The following SENP3 variants were observed in gnomAD, a reference collection of about 807,000 sequenced individuals.
The protein encoded by SENP3 is sentrin-specific protease 3.
In SENP3, 11 loss-of-function variants were observed where a neutral mutation model predicts 66.2. The ratio of observed to expected loss-of-function variants is 0.17; its 90% CI spans 0.10 to 0.28. The LOEUF is 0.28. SENP3 is among the 10% of genes least tolerant of loss of function. The probability of loss-of-function intolerance (pLI) is 1.00; values close to 1 mark genes in which losing one functional copy is unlikely to be tolerated. For synonymous variants in SENP3, 292 were observed against 277.6 expected (o/e 1.05, Z -0.52); for missense variants, 548 against 743.7 (o/e 0.74, Z 3.06).
rs1214431655 is a variant in SENP3, at chr17:7,565,496, T to C, written c.1124T>C (p.Met375Thr). 2.5e-6 allele frequency: 4 copies of C among 1,613,858 alleles called. No homozygotes were observed. The highest frequency in any genetic ancestry group is 1.7e-5 in the Admixed American group (1 of 60,000). ...TACCAGCGGATGCCAGGCAATGCCA[T>C]GGTGAGGGGCTTCCGAGTGGCTTAT... is the stretch of plus-strand genomic sequence containing the variant. ...QSYQRMPGNA[M>T]VRGFRVAYKR... is the part of the protein sequence containing the mutation. Residue 375 changes from methionine (M) to threonine (T), a missense_variant, in exon 5 of 11, where the codon ATG (methionine) becomes ACG (threonine). Met to Thr is a moderately conservative substitution (Grantham distance 81). Transcript: ENST00000321337.
At position 7,568,492 on chromosome 17, in the gene SENP3, G is replaced by A. The variant is rs1014708456; in HGVS notation, c.1341+1488G>A. 2.6e-5 allele frequency among the ~76,000 whole-genome samples: 4 copies of A among 152,184 alleles called. No individual in the cohort carries two copies. The South Asian group carries it at 8.3e-4, about 32-fold the overall frequency. ...GCGCCTGTAGTCCCCGGGAGGCTGA[G>A]GCAGGAGAATCGCTTGAACCCGGGA... On this transcript the variant is annotated intron_variant, in intron 7 of 10. Coordinates refer to ENST00000321337, the MANE Select transcript of SENP3 (RefSeq NM_015670.6).
At position 7,565,773 on chromosome 17, in the gene SENP3, A is replaced by T; in HGVS notation, c.1263+9A>T. The T allele has an allele frequency of 6.2e-7, 1 of 1,613,804 alleles. No homozygotes were observed. The highest frequency in any genetic ancestry group is 1.1e-5 in the South Asian group (1 of 91,080). Reference sequence around the variant, plus strand: ...ACACAGTCCCTGAAAAGGTAGGCCCAACCAGATAGGTCAGTACCCAGAGGA... The same window carrying T: ...ACACAGTCCCTGAAAAGGTAGGCCCTACCAGATAGGTCAGTACCCAGAGGA... On this transcript the variant is annotated intron_variant, in intron 6 of 10. Transcript: ENST00000321337.
At chr17:7,565,987 C>T (rs1315854392) in intron 6 of SENP3, 3 of 498,464 alleles carry the variant, frequency 6.0e-6, no homozygotes, top group Non-Finnish European at 1.1e-5. Context: ...TGGCCAGCCC[C>T]AAGGATTGGG....
At chr17:7,565,391 T>G (rs1468182348) in intron 4 of SENP3, 49 bp from the exon 5 acceptor site, 7 of 1,602,916 alleles carry the variant, frequency 4.4e-6, no homozygotes, top group Non-Finnish European at 6.0e-6. Context: ...TATTTCTGTG[T>G]GCCCCAGCTG....
rs1480055994 is a variant in SENP3 at position 7,565,502 on chromosome 17, G to A, written c.1130G>A (p.Arg377Lys). 4.3e-6 allele frequency: 7 copies of A among 1,613,774 alleles called. No homozygotes were observed. Among genetic ancestry groups the A allele is most frequent in the Non-Finnish European group, 5.9e-6 (7 of 1,179,854 alleles). Reference sequence around the variant, plus strand: ...CGGATGCCAGGCAATGCCATGGTGAGGGGCTTCCGAGTGGCTTATAAGCGG... The same window carrying A: ...CGGATGCCAGGCAATGCCATGGTGAAGGGCTTCCGAGTGGCTTATAAGCGG... ...YQRMPGNAMV[R>K]GFRVAYKRHV... Residue 377 changes from arginine to lysine, a missense_variant, in exon 5 of 11, where the codon AGG (arginine) becomes AAG (lysine). Arg to Lys is a conservative substitution (Grantham distance 26, BLOSUM62 2). Around this residue, in one of 6 missense-constraint regions of SENP3, gnomAD observed 72 missense variants for 137.9 expected, o/e 0.52. Coordinates refer to ENST00000321337, the MANE Select transcript of SENP3 (RefSeq NM_015670.6).
rs769492800 is a variant in SENP3, at chr17:7,564,629, C to T, written c.720C>T (p.Leu240=). ...PKSPLDPDSG[L]LSCTLPNGFG... ...TCCATTTCCCCTGCCCTATAGGCCT[C>T]CTTTCATGTACTCTGCCCAACGGTT... Residue 240 remains leucine, a synonymous_variant, in exon 3 of 11, where the codon CTC becomes CTT. Coordinates refer to ENST00000321337, the MANE Select transcript of SENP3 (RefSeq NM_015670.6). The T allele has an allele frequency of 6.2e-7, 1 of 1,614,006 alleles. No individual in the cohort carries two copies. The highest frequency in any genetic ancestry group is 8.5e-7 in the Non-Finnish European group (1 of 1,179,884).
At position 7,561,947 on chromosome 17, in the gene SENP3, C is replaced by G; in HGVS notation, c.-328C>G. On this transcript the variant is annotated 5_prime_UTR_variant, in exon 1 of 11. Transcript: ENST00000321337. The surrounding 1 kb of genome is among the most constrained non-coding windows in gnomAD (Gnocchi z 4.4). ...ACGTACTAATCGTGCGCCACCGCTG[C>G]CGGTGGGCCCGGGGCTCGCGGGAGG... 2.6e-6 allele frequency: 1 copy of G among 391,500 alleles called. No homozygotes were observed. The highest frequency in any genetic ancestry group is 4.5e-6 in the Non-Finnish European group (1 of 221,080). The allele number at this position is 391,500 out of a possible 1,614,324, so 24.3% of individuals were successfully genotyped here. A position where few individuals can be genotyped will look rare whatever the true frequency, so the allele number is the denominator to read the frequency against.
At position 7,570,961 on chromosome 17, in the gene SENP3, T is replaced by C; in HGVS notation, c.1614+28T>C. ...AAGCAGATGATGGGGCCACCTCCCC[T>C]AGCTCTGAAGTCAGTTGGGTTAAAG... On this transcript the variant is annotated intron_variant, in intron 10 of 10. Transcript: ENST00000321337. The surrounding 1 kb of genome is among the most constrained non-coding windows in gnomAD (Gnocchi z 5.4). 1.2e-6 allele frequency: 2 copies of C among 1,602,958 alleles called. No individual in the cohort carries two copies. The highest frequency in any genetic ancestry group is 8.5e-7 in the Non-Finnish European group (1 of 1,172,386).
chr17:7,566,295 C>G (rs2071267367), intron 6 of SENP3, among the ~76,000 whole-genome samples: 1 of 150,294 alleles, frequency 6.7e-6, no homozygotes, highest in African/African-American at 2.4e-5. Context: ...GAGTCGAGAT[C>G]CACGCCATTG....
In SENP3 at chr17:7,562,901, C is replaced by T. The variant is rs541148612; in HGVS notation, c.-11-165C>T. ...ATGATGGCACAGACCCTGAAGGGCC[C>T]CTTGTGGACCGCGTTAACCGGGAAG... is the stretch of plus-strand genomic sequence containing the variant. On this transcript the variant is annotated intron_variant, in intron 1 of 10. Coordinates refer to ENST00000321337, the MANE Select transcript of SENP3 (RefSeq NM_015670.6). This position sits in a 1 kb window ranked among gnomAD's most constrained non-coding sequence, Gnocchi z 5.0. Among the ~76,000 whole-genome samples the T allele has an allele frequency of 2.0e-5, 3 of 152,276 alleles. No homozygotes were observed. The East Asian group carries it at 5.8e-4, about 29-fold the overall frequency.
Position 7,563,482 on chromosome 17 carries a change from C to T in SENP3, c.406C>T (p.Leu136=). The T allele has an allele frequency of 3.3e-6, 5 of 1,505,692 alleles. No homozygotes were observed. The highest frequency in any genetic ancestry group is 4.5e-6 in the Non-Finnish European group (5 of 1,119,410). The allele number at this position is 1,505,692 out of a possible 1,614,324, so 93.3% of individuals were successfully genotyped here. The change falls in exon 2 of 11, where the codon CTG becomes TTG. Residue 136 remains leucine (L), a synonymous_variant. Transcript: ENST00000321337. ...RRRAMRAFRM[L]LYSKSTSLTF... is the part of the protein sequence containing the mutation. ...CCGAGCCATGAGAGCCTTCCGGATG[C>T]TGCTCTACTCAAAAAGCACCTCGCT...
chr17:7,571,307 A>T, intron 10 of SENP3, 66 bp from the exon 11 acceptor site: 1 of 1,195,512 alleles, frequency 8.4e-7, no homozygotes, highest in Non-Finnish European at 1.2e-6. Context: ...GACACATCTC[A>T]TATGAAATGT....
chr17:7,563,229 T>C lies in SENP3; in HGVS notation c.153T>C (p.Asp51=), dbSNP rs1228580488. 1 of 1,569,250 alleles carries C rather than the reference T, an allele frequency of 6.4e-7. No individual in the cohort carries two copies. Among genetic ancestry groups the C allele is most frequent in the Non-Finnish European group, 8.6e-7 (1 of 1,157,036 alleles). The change falls in exon 2 of 11, where the codon GAT becomes GAC. Residue 51 remains aspartate (D), a synonymous_variant. Transcript: ENST00000321337. ...RLKSGGGFGP[D]PGSGTTVPAR... ...AGTCAGGTGGAGGGTTTGGGCCAGA[T>C]CCTGGGTCAGGGACCACAGTGCCAG...
rs554062105 is a variant in SENP3 at position 7,568,513 on chromosome 17, C to T, written c.1341+1509C>T. ...CTGAGGCAGGAGAATCGCTTGAACCCGGGAGGCAGAGGTTGCAGTGAGCCG... is the reference window on the plus strand; with the variant it reads ...CTGAGGCAGGAGAATCGCTTGAACCTGGGAGGCAGAGGTTGCAGTGAGCCG... On this transcript the variant is annotated intron_variant, in intron 7 of 10. Coordinates refer to ENST00000321337, the MANE Select transcript of SENP3 (RefSeq NM_015670.6). 1.2e-4 allele frequency among the ~76,000 whole-genome samples: 18 copies of T among 152,174 alleles called. No homozygotes were observed. In the East Asian group the frequency reaches 2.3e-3, roughly 20 times the overall value.
At chr17:7,566,790 T>C (rs1266845655) in intron 6 of SENP3, 137 bp from the exon 7 acceptor site, 3 of 674,702 alleles carry the variant, frequency 4.4e-6, no homozygotes, top group Middle Eastern at 3.5e-4. Flanking sequence ...GGCAACATAG[T>C]GAGACCCTGT....
chr17:7,565,393 C>T, intron 4 of SENP3, 47 bp from the exon 5 acceptor site: 2 of 1,603,446 alleles, frequency 1.2e-6, no homozygotes, highest in Non-Finnish European at 8.5e-7. Context: ...TTTCTGTGTG[C>T]CCCAGCTGCA....
intron 2 of SENP3, chr17:7,564,307 ATATGCTGGGTAC>A (rs1484347219): frequency 1.1e-5 from 5 of 466,412 alleles, no homozygotes; most frequent in Non-Finnish European, 1.6e-5. Flanking sequence ...AGCCTTTACA[ATATGCTGGGTAC>A]TATGCTGGGT....
chr17:7,570,783 G>A lies in SENP3; in HGVS notation c.1563+19G>A. 6.2e-7 allele frequency: 1 copy of A among 1,607,472 alleles called. No homozygotes were observed. Among genetic ancestry groups the A allele is most frequent in the Non-Finnish European group, 8.5e-7 (1 of 1,176,398 alleles). On this transcript the variant is annotated intron_variant, in intron 9 of 10. Transcript: ENST00000321337. The surrounding 1 kb of genome is among the most constrained non-coding windows in gnomAD (Gnocchi z 5.4). ...CAAAATGGTGAGTTTCCTGAGGGAG[G>A]GGTATAGGGTGTTGGTGGGGACAGT...
Position 7,563,683 on chromosome 17 carries a change from C to T in SENP3, c.607C>T (p.Leu203Phe). 3 of 1,612,932 alleles carry T rather than the reference C, an allele frequency of 1.9e-6. No individual in the cohort carries two copies. Among genetic ancestry groups the T allele is most frequent in the Non-Finnish European group, 2.5e-6 (3 of 1,179,704 alleles). ...PPPRLGLLGALMAEDGVRGSP... is the reference protein window; with the variant it reads ...PPPRLGLLGAFMAEDGVRGSP... ...ACCCCGGCTGGGTCTGCTAGGTGCT[C>T]TCATGGCTGAGGATGGGGTGAGAGG... The change falls in exon 2 of 11, where the codon CTC (leucine) becomes TTC (phenylalanine). Residue 203 changes from leucine to phenylalanine, a missense_variant. Transcript: ENST00000321337.
Sources: allele counts gnomAD v4.1 joint callset (sites outside exome capture counted in the v4.1 genomes callset), GRCh38; gene constraint gnomAD v4.1.1; regional missense constraint gnomAD v4.1.1; non-coding constraint Gnocchi (gnomAD v3.1); transcripts MANE v1.5; gene names NCBI Gene and HGNC (gene_info 2026-07-23, HGNC 2026-07-21).